Variants in MTHFD2L observed in about 807,000 individuals in gnomAD.
MTHFD2L encodes the protein bifunctional methylenetetrahydrofolate dehydrogenase/cyclohydrolase 2, mitochondrial.
Under a neutral mutation model 34.9 loss-of-function variants are expected in MTHFD2L, and 29 were observed. The ratio of observed to expected loss-of-function variants is 0.83; its 90% CI spans 0.62 to 1.13. The LOEUF (loss-of-function observed/expected upper bound fraction) is 1.13. Ranked by LOEUF, MTHFD2L falls within the 50% of genes most tolerant of loss-of-function variation. The pLI, the probability that MTHFD2L is intolerant of heterozygous loss-of-function variation, is 0.00. For synonymous variants in MTHFD2L, 167 were observed against 155.7 expected (o/e 1.07, Z -0.54); for missense variants, 481 against 446.5 (o/e 1.08, Z -0.70).
chr4:74,125,224 C>A (rs1246898692), upstream of MTHFD2L, among the ~76,000 whole-genome samples: 3 of 152,118 alleles, frequency 2.0e-5, no homozygotes, highest in Non-Finnish European at 2.9e-5. Flanking sequence ...AGTAATATGA[C>A]TCCAGGTATC....
rs114113446 is a variant in MTHFD2L at position 74,299,026 on chromosome 4, A to G, written c.932-2671A>G. Among the ~76,000 whole-genome samples the G allele has an allele frequency of 6.8e-3, 1,034 of 152,102 alleles. 14 individuals are homozygous for G. The highest frequency in any genetic ancestry group is 0.024 in the African/African-American group (1,000 of 41,548). On this transcript the variant is annotated intron_variant, in intron 7 of 7. Transcript: ENST00000325278. ...AAAACAGCATAATTCTTGGCAAGTA[A>G]TTAATAAGTACTCAATTGATAGTAG...
intron 1 of MTHFD2L, among the ~76,000 whole-genome samples, chr4:74,126,696 A>T (rs1722099520): frequency 6.6e-6 from 1 of 152,052 alleles, no homozygotes; most frequent in African/African-American, 2.4e-5. Flanking sequence ...AAACATAAAA[A>T]ATATGGTGCC....
intron 6 of MTHFD2L, among the ~76,000 whole-genome samples, chr4:74,257,700 G>T (rs562709478): frequency 6.6e-6 from 1 of 152,110 alleles, no homozygotes; most frequent in African/African-American, 2.4e-5. Context: ...TAGTTTTTGG[G>T]ATATGACCGC....
intron 6 of MTHFD2L, among the ~76,000 whole-genome samples, chr4:74,233,412 A>T (rs1391702734): frequency 6.6e-6 from 1 of 152,078 alleles, no homozygotes; most frequent in Non-Finnish European, 1.5e-5. Context: ...CTTTATTTTC[A>T]GCTATCGCAA....
intron 1 of MTHFD2L, among the ~76,000 whole-genome samples, chr4:74,132,614 C>T (rs1722619761): frequency 6.6e-6 from 1 of 151,978 alleles, no homozygotes; most frequent in African/African-American, 2.4e-5. Flanking sequence ...GGGAGGGACA[C>T]CATTAGGAGA....
At chr4:74,275,424 T>G (rs962716680) in intron 6 of MTHFD2L, among the ~76,000 whole-genome samples, 1 of 152,202 alleles carries the variant, frequency 6.6e-6, no homozygotes, top group Non-Finnish European at 1.5e-5. Flanking sequence ...CATGTGTCTT[T>G]ATGATAGAAT....
At chr4:74,168,426 A>C (rs1228686275) in intron 1 of MTHFD2L, among the ~76,000 whole-genome samples, 1 of 152,148 alleles carries the variant, frequency 6.6e-6, no homozygotes, top group Non-Finnish European at 1.5e-5. Flanking sequence ...CCCACGTGTC[A>C]CCTGATTTAT....
At chr4:74,264,622 ATCT>A (rs1745071936) in intron 6 of MTHFD2L, among the ~76,000 whole-genome samples, 1 of 152,008 alleles carries the variant, frequency 6.6e-6, no homozygotes, top group Non-Finnish European at 1.5e-5. Flanking sequence ...GAGATGCTTT[ATCT>A]ATATCTGTTA....
At chr4:74,137,338 C>A (rs1189264569) in intron 1 of MTHFD2L, among the ~76,000 whole-genome samples, 1 of 152,054 alleles carries the variant, frequency 6.6e-6, no homozygotes, top group African/African-American at 2.4e-5. Flanking sequence ...AGGAAATATA[C>A]AAATGACTAA....
intron 1 of MTHFD2L, among the ~76,000 whole-genome samples, chr4:74,148,429 C>T (rs1164446740): frequency 6.7e-6 from 1 of 149,198 alleles, no homozygotes; most frequent in Non-Finnish European, 1.5e-5. Flanking sequence ...GCTCTGTTGC[C>T]CAGGCTGGAG....
At chr4:74,132,631 T>G (rs991913822) in intron 1 of MTHFD2L, among the ~76,000 whole-genome samples, 2 of 152,082 alleles carry the variant, frequency 1.3e-5, no homozygotes, top group African/African-American at 4.8e-5. Context: ...GAGAAGTACC[T>G]AATGTAGATG....
chr4:74,233,589 A>C (rs1176963578), intron 6 of MTHFD2L, among the ~76,000 whole-genome samples: 1 of 152,070 alleles, frequency 6.6e-6, no homozygotes, highest in Non-Finnish European at 1.5e-5. Context: ...GTTTTAAATG[A>C]AAATATATGA....
chr4:74,157,802 G>A (rs1247922790), upstream of MTHFD2L: 2 of 518,360 alleles, frequency 3.9e-6, no homozygotes, highest in Admixed American at 2.3e-5. Flanking sequence ...TAAAGTGATA[G>A]TTTGGAGGCC....
In MTHFD2L at chr4:74,127,898, C is replaced by T. The variant is rs568458012; in HGVS notation, c.-297+2381C>T. Among the ~76,000 whole-genome samples, 28 of 152,200 alleles carry T rather than the reference C, an allele frequency of 1.8e-4. 1 individual carries two copies. Among genetic ancestry groups the T allele is most frequent in the East Asian group, 5.8e-4 (3 of 5,188 alleles). On this transcript the variant is annotated intron_variant, in intron 1 of 7. Coordinates refer to the MTHFD2L transcript ENST00000433372. Reference sequence around the variant, plus strand: ...GAGGGTTTCCCTTTCTCTCCATCCTCGCCAGCATCTGTTATTACCTGTCAT... The same window carrying T: ...GAGGGTTTCCCTTTCTCTCCATCCTTGCCAGCATCTGTTATTACCTGTCAT...
intron 1 of MTHFD2L, among the ~76,000 whole-genome samples, chr4:74,173,694 G>C (rs888017015): frequency 6.6e-6 from 1 of 152,122 alleles, no homozygotes; most frequent in African/African-American, 2.4e-5. Context: ...TCTTCAAGAT[G>C]GTTGCCAGTT....
intron 1 of MTHFD2L, among the ~76,000 whole-genome samples, chr4:74,142,737 G>A (rs773898018): frequency 6.6e-6 from 1 of 152,086 alleles, no homozygotes; most frequent in Non-Finnish European, 1.5e-5. Flanking sequence ...ACCCCTACGT[G>A]CACTCCAGTT....
At chr4:74,274,620 A>G (rs1361947159) in intron 6 of MTHFD2L, among the ~76,000 whole-genome samples, 1 of 152,202 alleles carries the variant, frequency 6.6e-6, no homozygotes, top group Non-Finnish European at 1.5e-5. Context: ...ATTCAATGAT[A>G]TGACAAATCT....
chr4:74,258,072 A>T (rs964972263), intron 6 of MTHFD2L, among the ~76,000 whole-genome samples: 8 of 152,144 alleles, frequency 5.3e-5, no homozygotes, highest in African/African-American at 1.9e-4. Flanking sequence ...GCTGGAAAAA[A>T]AAAAGGTTAC....
intron 5 of MTHFD2L, among the ~76,000 whole-genome samples, chr4:74,207,766 CTTTT>C (rs768932793): frequency 2.3e-5 from 3 of 128,462 alleles, no homozygotes; most frequent in Non-Finnish European, 3.2e-5. Flanking sequence ...TGAAAAAGAA[CTTTT>C]TTTTTTTTTT....
Sources: gnomAD v4.1 joint callset for allele counts (sites outside exome capture counted in the v4.1 genomes callset) on GRCh38, gnomAD v4.1.1 for gene constraint, MANE v1.5 for transcripts, NCBI Gene and HGNC (gene_info 2026-07-23, HGNC 2026-07-21) for gene names.